CDH18: variants seen among roughly 807,000 people sequenced by gnomAD.
The protein encoded by CDH18 is cadherin 18.
In CDH18, 31 loss-of-function variants were observed where a neutral mutation model predicts 67.9. That is an observed-to-expected ratio of 0.46 (90% CI 0.34 to 0.62). CDH18 has a LOEUF of 0.62. CDH18 is among the 20% of genes least tolerant of loss of function. The pLI, the probability that CDH18 is intolerant of heterozygous loss-of-function variation, is 0.01. For missense variants in CDH18, 890 were observed against 975.5 expected, an observed-to-expected ratio of 0.91 and a Z score of 1.17; for synonymous variants, 362 against 347.2, an observed-to-expected ratio of 1.04 and a Z score of -0.48.
At chr5:20,242,124 A>G (rs559790101) in intron 2 of CDH18, among the ~76,000 whole-genome samples, 1 of 151,830 alleles carries the variant, frequency 6.6e-6, no homozygotes, top group South Asian at 2.1e-4. Flanking sequence ...ATAACTTTAC[A>G]ATGGAAATAA....
intron 2 of CDH18, among the ~76,000 whole-genome samples, chr5:20,065,389 T>C (rs1346981677): frequency 2.6e-5 from 4 of 151,914 alleles, no homozygotes; most frequent in Non-Finnish European, 5.9e-5. Context: ...AAAAGTAGAT[T>C]TCCCATAATA....
chr5:20,527,880 T>C (rs1335062802), intron 1 of CDH18, among the ~76,000 whole-genome samples: 1 of 151,948 alleles, frequency 6.6e-6, no homozygotes, highest in African/African-American at 2.4e-5. Flanking sequence ...CAGTCAGCAT[T>C]ATGATGACAG....
intron 1 of CDH18, among the ~76,000 whole-genome samples, chr5:20,398,261 G>T (rs1745448184): frequency 6.6e-6 from 1 of 152,176 alleles, no homozygotes; most frequent in Admixed American, 6.5e-5. Flanking sequence ...GAACCTGAAT[G>T]ATAAGCTTGT....
chr5:20,059,220 TTTC>T (rs775385693), intron 2 of CDH18, among the ~76,000 whole-genome samples: 5 of 152,132 alleles, frequency 3.3e-5, no homozygotes, highest in Non-Finnish European at 7.4e-5. Context: ...TCTTCTCTCT[TTTC>T]TTCTTTATTA....
At chr5:19,859,785 A>G (rs1784681238) in intron 2 of CDH18, among the ~76,000 whole-genome samples, 1 of 152,206 alleles carries the variant, frequency 6.6e-6, no homozygotes, top group Non-Finnish European at 1.5e-5. Flanking sequence ...CCTAAAATGT[A>G]TAAAACCATG....
chr5:19,536,326 T>C (rs1255081394), intron 9 of CDH18, among the ~76,000 whole-genome samples: 1 of 152,212 alleles, frequency 6.6e-6, no homozygotes, highest in African/African-American at 2.4e-5. Context: ...GAAACAGTTC[T>C]TACCAGTAAA....
intron 1 of CDH18, among the ~76,000 whole-genome samples, chr5:20,299,850 G>A (rs992413989): frequency 6.6e-6 from 1 of 151,396 alleles, no homozygotes; most frequent in African/African-American, 2.4e-5. Context: ...AAGAACCTTA[G>A]TTTTGCAAAT....
chr5:19,494,508 T>A (rs17216535), intron 11 of CDH18, among the ~76,000 whole-genome samples: 2 of 152,030 alleles, frequency 1.3e-5, no homozygotes, highest in Non-Finnish European at 1.5e-5. Flanking sequence ...TTGAACTTTC[T>A]GCTCACTGAT....
intron 1 of CDH18, among the ~76,000 whole-genome samples, chr5:20,409,548 A>G (rs1041616127): frequency 1.3e-5 from 2 of 151,838 alleles, no homozygotes; most frequent in Middle Eastern, 6.8e-3. Context: ...ATATTGATAA[A>G]TACCTACTTA....
At chr5:19,501,583 C>T (rs1743258397) in intron 11 of CDH18, among the ~76,000 whole-genome samples, 1 of 150,970 alleles carries the variant, frequency 6.6e-6, no homozygotes, top group African/African-American at 2.4e-5. Context: ...AAAATACATT[C>T]AGAGTTATAC....
chr5:19,780,446 T>C (rs1046164463), intron 3 of CDH18, among the ~76,000 whole-genome samples: 4 of 152,150 alleles, frequency 2.6e-5, no homozygotes, highest in African/African-American at 9.6e-5. Flanking sequence ...CATTGTATCC[T>C]ACTGTCACTT....
chr5:20,095,444 A>AAAAG lies in CDH18; in HGVS notation c.-517-103434_-517-103431dup, dbSNP rs1314087321. ...GAAAGAAAGAAAGAAAGAAAGAAAG[A>AAAAG]AAAGAAAGAAAGAAAGAAGAAAGAA... On this transcript the variant is annotated intron_variant, in intron 2 of 14. Transcript: ENST00000507958. Among the ~76,000 whole-genome samples the AAAAG allele has an allele frequency of 4.3e-3, 350 of 81,892 alleles. 11 individuals are homozygous for AAAAG. The highest frequency in any genetic ancestry group is 0.016 in the African/African-American group (340 of 21,724). The allele number at this position is 81,892 out of a possible 152,430, so 53.7% of individuals were successfully genotyped here.
chr5:19,992,094 G>GAAGGT (rs1294389583), upstream of CDH18: 1 of 147,738 alleles, frequency 6.8e-6, no homozygotes, highest in East Asian at 2.0e-4. Flanking sequence ...CATCTATCAA[G>GAAGGT]AAGGTTTCAA....
At chr5:20,038,755 C>T (rs1740128387) in intron 2 of CDH18, among the ~76,000 whole-genome samples, 1 of 152,104 alleles carries the variant, frequency 6.6e-6, no homozygotes, top group African/African-American at 2.4e-5. Flanking sequence ...TGGGCAAAAA[C>T]TGGAAACATT....
At chr5:20,309,970 TA>T (rs1164238357) in intron 1 of CDH18, among the ~76,000 whole-genome samples, 53 of 151,066 alleles carry the variant, frequency 3.5e-4, no homozygotes, top group African/African-American at 1.1e-3. Context: ...ATCCCTTTAT[TA>T]AACACATAAA....
intron 1 of CDH18, among the ~76,000 whole-genome samples, chr5:20,322,704 A>T (rs1738154604): frequency 6.6e-6 from 1 of 152,016 alleles, no homozygotes; most frequent in Non-Finnish European, 1.5e-5. Context: ...AAGCTGCAAG[A>T]AAAAAAATAT....
intron 5 of CDH18, among the ~76,000 whole-genome samples, chr5:19,657,781 C>G (rs1484789511): frequency 6.6e-6 from 1 of 152,118 alleles, no homozygotes; most frequent in Non-Finnish European, 1.5e-5. Flanking sequence ...TTATTCTCCT[C>G]ACTCTAGGAA....
chr5:20,126,749 T>C (rs989838308), intron 2 of CDH18, among the ~76,000 whole-genome samples: 16 of 151,992 alleles, frequency 1.1e-4, no homozygotes, highest in African/African-American at 3.1e-4. Flanking sequence ...AAAATAAAAA[T>C]CAAAATTACA....
At chr5:20,274,252 G>A (rs902663770) in intron 1 of CDH18, among the ~76,000 whole-genome samples, 1 of 152,088 alleles carries the variant, frequency 6.6e-6, no homozygotes, top group Non-Finnish European at 1.5e-5. Flanking sequence ...TTTATGAACA[G>A]AAGAATGAAT....
Sources: allele counts gnomAD v4.1 joint callset (sites outside exome capture counted in the v4.1 genomes callset), GRCh38; gene constraint gnomAD v4.1.1; transcripts MANE v1.5; gene names NCBI Gene and HGNC (gene_info 2026-07-23, HGNC 2026-07-21).